IQCH: variants seen among roughly 807,000 people sequenced by gnomAD.
IQCH encodes IQ domain-containing protein H.
In IQCH, 98 loss-of-function variants were observed where a neutral mutation model predicts 117.0. The observed-to-expected ratio is 0.84, with a 90% CI of 0.71 to 0.99. The LOEUF (loss-of-function observed/expected upper bound fraction) is 0.99. Among genes scored for constraint, IQCH ranks in the 50% least tolerant of loss-of-function variants. IQCH has a pLI of 0.00. For synonymous variants in IQCH, 412 were observed against 448.2 expected, an observed-to-expected ratio of 0.92 and a Z score of 1.02; for missense variants, 1,102 against 1,243.8, an observed-to-expected ratio of 0.89 and a Z score of 1.72.
chr15:67,472,745 C>A lies in IQCH; in HGVS notation c.2677-2951C>A, dbSNP rs2083102769. Among the ~76,000 whole-genome samples the A allele has an allele frequency of 6.6e-6, 1 of 152,088 alleles. No homozygotes were observed. The highest frequency in any genetic ancestry group is 2.4e-5 in the African/African-American group (1 of 41,414). The stretch of plus-strand genomic sequence containing the variant: ...TCCACTGCAGAATTCTGCTTGTATC[C>A]TCACCTCTGACTCTCCAGGCAATAA... On this transcript the variant is annotated intron_variant, in intron 17 of 20. Transcript: ENST00000335894. This position sits in a 1 kb window ranked among gnomAD's most constrained non-coding sequence, Gnocchi z 4.3.
At chr15:67,263,600 C>A (rs185893352) in intron 3 of IQCH, among the ~76,000 whole-genome samples, 30 of 152,114 alleles carry the variant, frequency 2.0e-4, no homozygotes, top group Non-Finnish European at 1.5e-4. Context: ...ATGTCCTGGG[C>A]TTTGCTGTTA....
At chr15:67,343,100 G>T (rs1969241565) in intron 5 of IQCH, among the ~76,000 whole-genome samples, 1 of 152,120 alleles carries the variant, frequency 6.6e-6, no homozygotes, top group East Asian at 1.9e-4. Context: ...ATTCTTAATA[G>T]TAATATAGTA....
chr15:67,484,176 T>C (rs958271818), intron 18 of IQCH, among the ~76,000 whole-genome samples: 3 of 151,934 alleles, frequency 2.0e-5, no homozygotes, highest in East Asian at 3.9e-4. Context: ...GAGGCTGAGG[T>C]AGGTAGATTA....
intron 16 of IQCH, among the ~76,000 whole-genome samples, chr15:67,435,278 C>T (rs2082110983): frequency 1.3e-5 from 2 of 151,986 alleles, no homozygotes; most frequent in South Asian, 4.2e-4. Context: ...GTTGGCCATT[C>T]GTATGTCTTT....
At chr15:67,340,511 A>G (rs2140672039) in intron 5 of IQCH, among the ~76,000 whole-genome samples, 1 of 151,014 alleles carries the variant, frequency 6.6e-6, no homozygotes, top group South Asian at 2.1e-4. Flanking sequence ...CTCAAATATA[A>G]AATTCTAGGC....
rs893364134 is a variant in IQCH at position 67,385,158 on chromosome 15, C to T, written c.1456+139C>T. ...AAAGCTCAGATGTTTAATCTACTTA[C>T]AGGGCAATTAAATGTTTTATTTTAA... is the stretch of plus-strand genomic sequence containing the variant. On this transcript the variant is annotated intron_variant, in intron 11 of 20. Transcript: ENST00000335894. This position sits in a 1 kb window ranked among gnomAD's most constrained non-coding sequence, Gnocchi z 4.6. The T allele has an allele frequency of 1.2e-5, 6 of 483,362 alleles. No homozygotes were observed. Among genetic ancestry groups the T allele is most frequent in the African/African-American group, 1.2e-4 (6 of 49,748 alleles). 29.9% of individuals were successfully genotyped at this position (483,362 alleles called of 1,614,324 possible).
At position 67,369,699 on chromosome 15, in the gene IQCH, C is replaced by A. The variant is rs1567133151; in HGVS notation, c.754-2412C>A. ...AGCCAGAACCTGAAGCATGGCATGA[C>A]CTTTAATCAGGGCTCTTATTCCTAG... On this transcript the variant is annotated intron_variant, in intron 8 of 20. Transcript: ENST00000335894. This position sits in a 1 kb window ranked among gnomAD's most constrained non-coding sequence, Gnocchi z 5.2. 6.6e-6 allele frequency among the ~76,000 whole-genome samples: 1 copy of A among 152,192 alleles called. No individual in the cohort carries two copies. The highest frequency in any genetic ancestry group is 1.9e-4 in the East Asian group (1 of 5,202).
chr15:67,412,827 ACT>A (rs2081483271), intron 14 of IQCH, among the ~76,000 whole-genome samples: 1 of 152,056 alleles, frequency 6.6e-6, no homozygotes, highest in Non-Finnish European at 1.5e-5. Context: ...GGTTCCCCTA[ACT>A]CTGTTATTTT....
intron 3 of IQCH, among the ~76,000 whole-genome samples, chr15:67,266,853 G>T (rs780697201): frequency 4.6e-5 from 7 of 152,160 alleles, no homozygotes; most frequent in African/African-American, 7.2e-5. Flanking sequence ...AAAAGCTCAT[G>T]CTAAGAGTAA....
At chr15:67,498,565 G>A (rs547862957) in intron 20 of IQCH, among the ~76,000 whole-genome samples, 137 of 150,374 alleles carry the variant, frequency 9.1e-4, no homozygotes, top group African/African-American at 3.0e-3. Context: ...GCAGTGAGCC[G>A]AGATTGCACC....
At chr15:67,276,077 A>G (rs1321675970) in intron 3 of IQCH, among the ~76,000 whole-genome samples, 3 of 152,220 alleles carry the variant, frequency 2.0e-5, no homozygotes, top group Non-Finnish European at 2.9e-5. Flanking sequence ...TGTATGTTAT[A>G]TAGCTATTAA....
intron 4 of IQCH, among the ~76,000 whole-genome samples, chr15:67,332,216 T>C (rs1330941713): frequency 6.6e-6 from 1 of 152,116 alleles, no homozygotes; most frequent in Admixed American, 6.6e-5. Context: ...CCAGGAAAAT[T>C]TGATTTTGAA....
rs1179626172 is a variant in IQCH at position 67,408,615 on chromosome 15, A to G, written c.2097+8310A>G. 6.6e-5 allele frequency: 10 copies of G among 152,200 alleles called. No homozygotes were observed. Among genetic ancestry groups the G allele is most frequent in the Admixed American group, 1.3e-4 (2 of 15,260 alleles). 9.4% of individuals were successfully genotyped at this position (152,200 alleles called of 1,614,324 possible). ...CACTGCTTGCCCATTCCTTTTGCAT[A>G]AAATTAAAATATAAATTCTCCTGAT... is the stretch of plus-strand genomic sequence containing the variant. On this transcript the variant is annotated intron_variant, in intron 14 of 20. Transcript: ENST00000335894. This position sits in a 1 kb window ranked among gnomAD's most constrained non-coding sequence, Gnocchi z 4.2.
At chr15:67,353,366 T>A (rs111928916) in intron 6 of IQCH, among the ~76,000 whole-genome samples, 8,752 of 53,286 alleles carry the variant, frequency 0.16, 523 homozygotes, top group African/African-American at 0.28. Flanking sequence ...TTATTTATTT[T>A]TTTTTTTTTT....
At chr15:67,347,546 GA>G (rs556075977) in intron 6 of IQCH, among the ~76,000 whole-genome samples, 2 of 151,010 alleles carry the variant, frequency 1.3e-5, no homozygotes, top group Non-Finnish European at 3.0e-5. Flanking sequence ...AACATTGTAA[GA>G]AAAAAAATGA....
At chr15:67,438,602 T>C (rs575243744) in intron 16 of IQCH, among the ~76,000 whole-genome samples, 3 of 152,212 alleles carry the variant, frequency 2.0e-5, no homozygotes, top group Non-Finnish European at 4.4e-5. Context: ...AATGCTCCAC[T>C]TAAAAGATAC....
chr15:67,335,049 A>G (rs1163556879), intron 4 of IQCH, among the ~76,000 whole-genome samples: 2 of 152,048 alleles, frequency 1.3e-5, no homozygotes, highest in Non-Finnish European at 2.9e-5. Context: ...CCATTCTCCA[A>G]CACATACACA....
At position 67,372,469 on chromosome 15, in the gene IQCH, A is replaced by T; in HGVS notation, c.1112A>T (p.Glu371Val). The change falls in exon 9 of 21, where the codon GAG becomes GTG. Residue 371 changes from glutamate (E) to valine (V), a missense_variant. By Grantham distance (121) the Glu-to-Val change is moderately radical. Around this residue, in one of 2 missense-constraint regions of IQCH, gnomAD observed 452 missense variants for 449.6 expected, o/e 1.01. Coordinates refer to ENST00000335894, the MANE Select transcript of IQCH (RefSeq NM_001031715.3). ...TACAAGGGCCAAGATGGAAATTCGG[A>T]GGCCGCCATGAAGATCCAAGCCACA... Reference protein sequence around the residue: ...QRYKGQDGNSEAAMKIQATWK... With the variant: ...QRYKGQDGNSVAAMKIQATWK... The T allele has an allele frequency of 6.2e-7, 1 of 1,614,036 alleles. No individual in the cohort carries two copies. Among genetic ancestry groups the T allele is most frequent in the South Asian group, 1.1e-5 (1 of 91,056 alleles).
intron 4 of IQCH, among the ~76,000 whole-genome samples, chr15:67,304,722 G>A (rs922411918): frequency 2.0e-5 from 3 of 151,844 alleles, no homozygotes; most frequent in Admixed American, 6.6e-5. Flanking sequence ...TAATTTTAAC[G>A]AGGAAATAAT....
Sources: gnomAD v4.1 joint callset for allele counts (sites outside exome capture counted in the v4.1 genomes callset) on GRCh38, gnomAD v4.1.1 for gene constraint, gnomAD v4.1.1 regional missense constraint, Gnocchi (gnomAD v3.1) non-coding constraint, MANE v1.5 for transcripts, NCBI Gene and HGNC (gene_info 2026-07-23, HGNC 2026-07-21) for gene names.